Variants in FIGNL1 observed in about 807,000 individuals in gnomAD.
FIGNL1 encodes the protein fidgetin-like protein 1.
FIGNL1 carries 11 observed loss-of-function variants against 28.9 expected under a neutral mutation model. That is an observed-to-expected ratio of 0.38 (90% CI 0.24 to 0.63). FIGNL1 has a LOEUF of 0.63. Ranked by LOEUF, FIGNL1 falls within the 20% of genes least tolerant of loss-of-function variation. The pLI is 0.57. For synonymous variants in FIGNL1, 295 were observed against 276.5 expected, an observed-to-expected ratio of 1.07 and a Z score of -0.66; for missense variants, 789 against 810.4, an observed-to-expected ratio of 0.97 and a Z score of 0.32.
rs780648761 is a variant in FIGNL1 at position 50,446,002 on chromosome 7, C to A, written c.1286G>T (p.Gly429Val). 3 of 1,614,176 alleles carry A rather than the reference C, an allele frequency of 1.9e-6. No individual in the cohort carries two copies. The East Asian group carries it at 6.7e-5, about 36-fold the overall frequency. Residue 429 changes from glycine (G) to valine (V), a missense_variant, in exon 4 of 4, where the codon GGT (glycine) becomes GTT (valine). By Grantham distance (109) the Gly-to-Val change is moderately radical. Coordinates refer to ENST00000433017, the MANE Select transcript of FIGNL1 (RefSeq NM_001287492.4). The part of the protein sequence containing the change: ...WPMLRPDIFT[G>V]LRGPPKGILL... ...AATTCCTTTAGGGGGTCCCCTTAAA[C>A]CAGTAAAGATGTCTGGCCTCAACAT...
Position 50,446,409 on chromosome 7 carries a change from A to G in FIGNL1, c.879T>C (p.Pro293=), listed in dbSNP as rs773035991. 1 of 1,614,180 alleles carries G rather than the reference A, an allele frequency of 6.2e-7. No individual in the cohort carries two copies. The highest frequency in any genetic ancestry group is 8.5e-7 in the Non-Finnish European group (1 of 1,180,030). Residue 293 remains proline, a synonymous_variant, in exon 4 of 4, where the codon CCT becomes CCC. Transcript: ENST00000433017. The part of the protein sequence containing the change: ...DNGPKEDSSL[P]TFKTAKEQLW... Reference sequence around the variant, plus strand: ...ATTGTTCTTTTGCAGTTTTAAATGTAGGCAGGCTGCTATCCTCCTTTGGGC... The same window carrying G: ...ATTGTTCTTTTGCAGTTTTAAATGTGGGCAGGCTGCTATCCTCCTTTGGGC...
chr7:50,447,767 G>A (rs1403752571), intron 3 of FIGNL1, among the ~76,000 whole-genome samples: 2 of 151,814 alleles, frequency 1.3e-5, no homozygotes, highest in Non-Finnish European at 2.9e-5. Flanking sequence ...ACAGTGTCTC[G>A]CTCTGTCACC....
Position 50,446,107 on chromosome 7 carries a change from T to G in FIGNL1, c.1181A>C (p.His394Pro). ...ATCTTCCCAATTTACTGGAGGTCCA[T>G]GATCCATAATCTCATTCATAATAAG... ...IELIMNEIMD[H>P]GPPVNWEDIA... is the part of the protein sequence containing the mutation. Residue 394 changes from histidine (H) to proline (P), a missense_variant, in exon 4 of 4, where the codon CAT (histidine) becomes CCT (proline). His to Pro is a moderately conservative substitution (Grantham distance 77). Coordinates refer to ENST00000433017, the MANE Select transcript of FIGNL1 (RefSeq NM_001287492.4). 6.2e-7 allele frequency: 1 copy of G among 1,614,260 alleles called. No individual in the cohort carries two copies. The highest frequency in any genetic ancestry group is 2.2e-5 in the East Asian group (1 of 44,896).
Position 50,445,121 on chromosome 7 carries a change from T to A in FIGNL1, c.*142A>T. The stretch of plus-strand genomic sequence containing the variant: ...CTTACATTAACATACACTATGTCAA[T>A]CAGATGTAAAATCTGTGCTATTATT... On this transcript the variant is annotated 3_prime_UTR_variant, in exon 4 of 4. Coordinates refer to ENST00000433017, the MANE Select transcript of FIGNL1 (RefSeq NM_001287492.4). The A allele has an allele frequency of 1.9e-6, 1 of 522,670 alleles. No individual in the cohort carries two copies. The highest frequency in any genetic ancestry group is 3.2e-6 in the Non-Finnish European group (1 of 313,616). The allele number at this position is 522,670 out of a possible 1,614,324, so 32.4% of individuals were successfully genotyped here.
chr7:50,445,439 G>A lies in FIGNL1; in HGVS notation c.1849C>T (p.Leu617Phe). 3 of 1,614,152 alleles carry A rather than the reference G, an allele frequency of 1.9e-6. No homozygotes were observed. Among genetic ancestry groups the A allele is most frequent in the South Asian group, 2.2e-5 (2 of 91,058 alleles). ...GTTTGTAAACTGCGAATAGGACCAAGAGAAGCCTCCCTGCAAAGCTGTGTC... is the reference window on the plus strand; with the variant it reads ...GTTTGTAAACTGCGAATAGGACCAAAAGAAGCCTCCCTGCAAAGCTGTGTC... ...DMTQLCREAS[L>F]GPIRSLQTAD... Residue 617 changes from leucine (L) to phenylalanine (F), a missense_variant, in exon 4 of 4, where the codon CTT becomes TTT. Coordinates refer to ENST00000433017, the MANE Select transcript of FIGNL1 (RefSeq NM_001287492.4).
rs767290020 is a variant in FIGNL1 at position 50,445,218 on chromosome 7, AAAG to A, written c.*42_*44del. 5 of 1,229,962 alleles carry A rather than the reference AAAG, an allele frequency of 4.1e-6. No homozygotes were observed. The highest frequency in any genetic ancestry group is 5.6e-6 in the Non-Finnish European group (5 of 900,246). 76.2% of individuals were successfully genotyped at this position (1,229,962 alleles called of 1,614,324 possible). ...TCCCCAACTTTCTATGCTAAAAAATAAAGAAGACTGTACTACAGAGATGCCTTG... is the reference window on the plus strand; with the variant it reads ...TCCCCAACTTTCTATGCTAAAAAATAAAGACTGTACTACAGAGATGCCTTG... On this transcript the variant is annotated 3_prime_UTR_variant, in exon 4 of 4. Coordinates refer to ENST00000433017, the MANE Select transcript of FIGNL1 (RefSeq NM_001287492.4).
In FIGNL1 at chr7:50,446,965, T is replaced by C. The variant is rs749053157; in HGVS notation, c.323A>G (p.Asn108Ser). 2.4e-5 allele frequency: 38 copies of C among 1,614,234 alleles called. No homozygotes were observed. The South Asian group carries it at 4.1e-4, about 17-fold the overall frequency. The change falls in exon 4 of 4, where the codon AAT (asparagine) becomes AGT (serine). Residue 108 changes from asparagine (N) to serine (S), a missense_variant. Asn to Ser is a conservative substitution (Grantham distance 46). Coordinates refer to ENST00000433017, the MANE Select transcript of FIGNL1 (RefSeq NM_001287492.4). ...CTGTACACTACTCATTTTGAAAACA[T>C]TATTTATTGACAATCCAGACTGCCA... The part of the protein sequence containing the change: ...DKWQSGLSIN[N>S]VFKMSSVQKM...
rs752722637 is a variant in FIGNL1, at chr7:50,446,340, T to C, written c.948A>G (p.Ala316=). The stretch of plus-strand genomic sequence containing the variant: ...TTACACCACCATATGAAGACCCTGA[T>C]GCACGCTGAGGTTGGTGGTACTTTT... The part of the protein sequence containing the change: ...QQKKYHQPQR[A]SGSSYGGVKK... The change falls in exon 4 of 4, where the codon GCA becomes GCG. Residue 316 remains alanine, a synonymous_variant. Transcript: ENST00000433017. 2 of 1,614,180 alleles carry C rather than the reference T, an allele frequency of 1.2e-6. No individual in the cohort carries two copies. The highest frequency in any genetic ancestry group is 2.2e-5 in the South Asian group (2 of 91,078).
Position 50,446,385 on chromosome 7 carries a change from T to C in FIGNL1, c.903A>G (p.Gln301=). 1.2e-6 allele frequency: 2 copies of C among 1,614,120 alleles called. No individual in the cohort carries two copies. The highest frequency in any genetic ancestry group is 8.5e-7 in the Non-Finnish European group (1 of 1,180,016). Residue 301 remains glutamine (Q), a synonymous_variant, in exon 4 of 4, where the codon CAA becomes CAG. Coordinates refer to ENST00000433017, the MANE Select transcript of FIGNL1 (RefSeq NM_001287492.4). ...SLPTFKTAKE[Q]LWVDQQKKYH... is the part of the protein sequence containing the mutation. Reference sequence around the variant, plus strand: ...ACTTTTTTTGCTGATCTACCCATAATTGTTCTTTTGCAGTTTTAAATGTAG... The same window carrying C: ...ACTTTTTTTGCTGATCTACCCATAACTGTTCTTTTGCAGTTTTAAATGTAG...
chr7:50,447,411 A>C, intron 3 of FIGNL1, 114 bp from the exon 4 acceptor site: 4 of 694,922 alleles, frequency 5.8e-6, no homozygotes, highest in Non-Finnish European at 9.4e-6. Context: ...CTTTTTATTT[A>C]TAATGTAGAT....
intron 3 of FIGNL1, 102 bp from the exon 4 acceptor site, chr7:50,447,399 G>T (rs1821184587): frequency 2.6e-6 from 2 of 763,966 alleles, no homozygotes; most frequent in Non-Finnish European, 2.0e-6. Flanking sequence ...AGGGACACTG[G>T]ACTTTTTATT....
At position 50,446,506 on chromosome 7, in the gene FIGNL1, T is replaced by C. The variant is rs79851593; in HGVS notation, c.782A>G (p.Tyr261Cys). 2.3e-3 allele frequency: 3,718 copies of C among 1,614,192 alleles called. 86 individuals are homozygous for C. In the African/African-American group the frequency reaches 0.045, roughly 20 times the overall value. ...AAGTGCATCAATGGTGCCAGAACCA[T>C]AAAAAGACTTCCTCTGTGGATTTTC... ...ACENPQRKSF[Y>C]GSGTIDALSN... Residue 261 changes from tyrosine to cysteine, a missense_variant, in exon 4 of 4, where the codon TAT (tyrosine) becomes TGT (cysteine). By Grantham distance (194) the Tyr-to-Cys change is radical. Transcript: ENST00000433017.
rs1055821937 is a variant in FIGNL1 at position 50,448,220 on chromosome 7, G to A, written c.-50C>T. 5 of 152,146 alleles carry A rather than the reference G, an allele frequency of 3.3e-5. No individual in the cohort carries two copies. The highest frequency in any genetic ancestry group is 2.1e-4 in the South Asian group (1 of 4,830). The allele number at this position is 152,146 out of a possible 1,614,324, so 9.4% of individuals were successfully genotyped here. The stretch of plus-strand genomic sequence containing the variant: ...CCAGTTATGAATGGTATCAGAAATC[G>A]AACACAAGCAGTTTCACTCCAGGTA... On this transcript the variant is annotated 5_prime_UTR_variant, in exon 3 of 4. Coordinates refer to ENST00000433017, the MANE Select transcript of FIGNL1 (RefSeq NM_001287492.4).
rs553064633 is a variant in FIGNL1 at position 50,447,222 on chromosome 7, T to G, written c.66A>C (p.Thr22=). ...SEWQKNYFAI[T]SGICTGPKAD... is the part of the protein sequence containing the mutation. ...CCTTCGGTCCGGTACATATGCCAGATGTAATTGCGAAGTAATTCTTCTGCC... is the reference window on the plus strand; with the variant it reads ...CCTTCGGTCCGGTACATATGCCAGAGGTAATTGCGAAGTAATTCTTCTGCC... Residue 22 remains threonine (T), a synonymous_variant, in exon 4 of 4, where the codon ACA becomes ACC. Coordinates refer to ENST00000433017, the MANE Select transcript of FIGNL1 (RefSeq NM_001287492.4). 1.2e-6 allele frequency: 2 copies of G among 1,611,860 alleles called. No homozygotes were observed. The highest frequency in any genetic ancestry group is 2.7e-5 in the African/African-American group (2 of 74,910).
chr7:50,446,255 G>T lies in FIGNL1; in HGVS notation c.1033C>A (p.Pro345Thr), dbSNP rs1161830733. 1 of 1,614,006 alleles carries T rather than the reference G, an allele frequency of 6.2e-7. No individual in the cohort carries two copies. Among genetic ancestry groups the T allele is most frequent in the Non-Finnish European group, 8.5e-7 (1 of 1,180,042 alleles). The change falls in exon 4 of 4, where the codon CCC becomes ACC. Residue 345 changes from proline to threonine, a missense_variant. Transcript: ENST00000433017. The part of the protein sequence containing the change: ...GILGKFVPPI[P>T]KQDGGEQNGG... ...TTCTGCTCTCCCCCATCTTGCTTGG[G>T]TATAGGAGGAACAAACTTTCCAAGT...
chr7:50,446,759 G>C lies in FIGNL1; in HGVS notation c.529C>G (p.Pro177Ala), dbSNP rs377710434. 2 of 1,614,154 alleles carry C rather than the reference G, an allele frequency of 1.2e-6. No homozygotes were observed. Among genetic ancestry groups the C allele is most frequent in the Non-Finnish European group, 1.7e-6 (2 of 1,180,036 alleles). ...AHDRDRTQDFPESNRLKLLQN... is the reference protein window; with the variant it reads ...AHDRDRTQDFAESNRLKLLQN... ...AGGAGTTTCAAACGATTGCTCTCCG[G>C]GAAGTCTTGGGTCCGGTCTCGATCA... is the stretch of plus-strand genomic sequence containing the variant. The change falls in exon 4 of 4, where the codon CCG becomes GCG. Residue 177 changes from proline to alanine, a missense_variant. Transcript: ENST00000433017.
Position 50,445,276 on chromosome 7 carries a change from C to T in FIGNL1, c.2012G>A (p.Gly671Asp). 6.4e-7 allele frequency: 1 copy of T among 1,563,048 alleles called. No homozygotes were observed. Among genetic ancestry groups the T allele is most frequent in the South Asian group, 1.2e-5 (1 of 82,364 alleles). ...CAAGTATCCCACTTACTTTCCACAA[C>T]CAAAAGTTTTGTTCCAGTTTTCATA... ...ELYENWNKTF[G>D]CGK Residue 671 changes from glycine to aspartate, a missense_variant, in exon 4 of 4, where the codon GGT becomes GAT. Gly to Asp is a moderately conservative substitution (Grantham distance 94, BLOSUM62 -1). Transcript: ENST00000433017.
chr7:50,449,878 T>C (rs1821681603), intron 1 of FIGNL1, 155 bp from the exon 2 acceptor site: 1 of 152,298 alleles, frequency 6.6e-6, no homozygotes, highest in Non-Finnish European at 1.5e-5. Context: ...CCCTTCTTTC[T>C]CATCACAGAG....
rs1223053681 is a variant in FIGNL1, at chr7:50,449,806, G to GAAA, written c.-725-86_-725-84dup. 16 of 152,264 alleles carry GAAA rather than the reference G, an allele frequency of 1.1e-4. 1 individual carries two copies. Among genetic ancestry groups the GAAA allele is most frequent in the Admixed American group, 6.5e-5 (1 of 15,292 alleles). The allele number at this position is 152,264 out of a possible 1,614,324, so 9.4% of individuals were successfully genotyped here. A position where few individuals can be genotyped will look rare whatever the true frequency, so the allele number is the denominator to read the frequency against. On this transcript the variant is annotated intron_variant, in intron 1 of 3. Transcript: ENST00000433017. ...CACTAGACAGAGGACTCAGCACTTA[G>GAAA]AAAATACTCTATAAAATACTGCTTC... is the stretch of plus-strand genomic sequence containing the variant.
Sources: allele counts gnomAD v4.1 joint callset (sites outside exome capture counted in the v4.1 genomes callset), GRCh38; gene constraint gnomAD v4.1.1; transcripts MANE v1.5; gene names NCBI Gene and HGNC (gene_info 2026-07-23, HGNC 2026-07-21).